Variants in SEMA3D observed in about 807,000 individuals in gnomAD.
SEMA3D encodes semaphorin-3D.
A neutral mutation model predicts 100.1 loss-of-function variants in SEMA3D; 84 were observed. The observed-to-expected ratio is 0.84, with a 90% CI of 0.70 to 1.01. SEMA3D has a LOEUF of 1.01. Ranked by LOEUF, SEMA3D falls within the 50% of genes least tolerant of loss-of-function variation. SEMA3D has a pLI of 0.00. For missense variants in SEMA3D, 875 were observed against 934.1 expected, an observed-to-expected ratio of 0.94 and a Z score of 0.82; for synonymous variants, 312 against 320.7, an observed-to-expected ratio of 0.97 and a Z score of 0.29.
chr7:85,066,147 G>A (rs939903870), intron 7 of SEMA3D, among the ~76,000 whole-genome samples: 1 of 152,138 alleles, frequency 6.6e-6, no homozygotes, highest in African/African-American at 2.4e-5. Context: ...TGCCATTACT[G>A]CATACCAAAC....
At chr7:85,101,577 T>A (rs1267695156) in intron 3 of SEMA3D, among the ~76,000 whole-genome samples, 2 of 151,984 alleles carry the variant, frequency 1.3e-5, no homozygotes, top group Non-Finnish European at 2.9e-5. Flanking sequence ...CATGTTGGTG[T>A]GAGGAATAAA....
intron 3 of SEMA3D, among the ~76,000 whole-genome samples, chr7:85,102,400 G>T (rs555059586): frequency 6.6e-6 from 1 of 152,072 alleles, no homozygotes; most frequent in Non-Finnish European, 1.5e-5. Context: ...CCAGCACCTA[G>T]CTCAGAGTCT....
At chr7:85,084,728 C>G (rs959686471) in intron 4 of SEMA3D, among the ~76,000 whole-genome samples, 3 of 151,976 alleles carry the variant, frequency 2.0e-5, no homozygotes, top group African/African-American at 7.3e-5. Flanking sequence ...GCCTAGTACA[C>G]GTTAGTTATT....
chr7:85,085,563 G>T (rs572174280), intron 4 of SEMA3D, among the ~76,000 whole-genome samples: 3 of 152,064 alleles, frequency 2.0e-5, no homozygotes, highest in Non-Finnish European at 4.4e-5. Context: ...ATTATGAAAG[G>T]CCTTCTGTAT....
intron 9 of SEMA3D, among the ~76,000 whole-genome samples, chr7:85,047,897 A>G (rs1791053163): frequency 6.6e-6 from 1 of 151,896 alleles, no homozygotes; most frequent in South Asian, 2.1e-4. Flanking sequence ...AGAGAATGAA[A>G]TTCTCAGACA....
At chr7:85,131,670 G>A (rs929842120) in intron 2 of SEMA3D, among the ~76,000 whole-genome samples, 1 of 151,772 alleles carries the variant, frequency 6.6e-6, no homozygotes, top group Admixed American at 6.6e-5. Context: ...TGTGAAATAC[G>A]AAGATATAGT....
the SEMA3D span, among the ~76,000 whole-genome samples, chr7:85,242,628 G>C: frequency 6.6e-6 from 1 of 151,994 alleles, no homozygotes; most frequent in East Asian, 1.9e-4. Flanking sequence ...TCAGATACAG[G>C]GGTGTCATTG....
chr7:85,030,868 T>C (rs28756736), intron 12 of SEMA3D, among the ~76,000 whole-genome samples: 7,948 of 152,088 alleles, frequency 0.052, 702 homozygotes, highest in African/African-American at 0.18. Context: ...TATGATTGAT[T>C]CACTGTATTA....
chr7:85,140,035 G>A (rs188840119), intron 2 of SEMA3D: 95 of 504,878 alleles, frequency 1.9e-4, no homozygotes, highest in Non-Finnish European at 2.1e-4. Context: ...CTTGTTGCAT[G>A]CTGTCATTAA....
At chr7:85,036,796 G>A (rs1023744215) in intron 12 of SEMA3D, 93 bp downstream of exon 12, 30 of 961,922 alleles carry the variant, frequency 3.1e-5, no homozygotes, top group Non-Finnish European at 4.3e-5. Flanking sequence ...TACAGCACAT[G>A]TGGCTCTGGT....
intron 1 of SEMA3D, among the ~76,000 whole-genome samples, chr7:85,164,356 A>G (rs189844606): frequency 6.6e-6 from 1 of 152,258 alleles, no homozygotes; most frequent in East Asian, 1.9e-4. Context: ...ATCTATACAT[A>G]TACTTATTTA....
At chr7:85,199,184 T>G in the SEMA3D span, among the ~76,000 whole-genome samples, 1 of 152,232 alleles carries the variant, frequency 6.6e-6, no homozygotes, top group African/African-American at 2.4e-5. Context: ...ATGGTAATTT[T>G]GGGGATTTGA....
chr7:85,071,124 G>A (rs1405923249), intron 6 of SEMA3D, among the ~76,000 whole-genome samples: 8 of 152,170 alleles, frequency 5.3e-5, no homozygotes, highest in Non-Finnish European at 1.5e-5. Flanking sequence ...CAGGTTGCGA[G>A]TTTGGCCTTT....
the SEMA3D span, among the ~76,000 whole-genome samples, chr7:85,215,117 CTTTTT>C: frequency 7.8e-6 from 1 of 128,304 alleles, no homozygotes; most frequent in African/African-American, 2.9e-5. Flanking sequence ...TTCTTTCTTT[CTTTTT>C]TTTTTTTTTT....
the SEMA3D span, among the ~76,000 whole-genome samples, chr7:85,241,485 A>ATATATC: frequency 7.2e-6 from 1 of 139,048 alleles, no homozygotes; most frequent in South Asian, 2.3e-4. Flanking sequence ...ATATATATAT[A>ATATATC]TATATATGAA....
intron 6 of SEMA3D, 94 bp downstream of exon 6, chr7:85,072,868 T>A: frequency 9.9e-7 from 1 of 1,012,344 alleles, no homozygotes; most frequent in Non-Finnish European, 1.4e-6. Flanking sequence ...TATGTTTCAG[T>A]CCTTATATTC....
the SEMA3D span, among the ~76,000 whole-genome samples, chr7:85,200,678 A>G: frequency 1.3e-5 from 2 of 152,250 alleles, no homozygotes; most frequent in Non-Finnish European, 1.5e-5. Flanking sequence ...ATAAATTTGC[A>G]TAAGTAACAA....
intron 2 of SEMA3D, among the ~76,000 whole-genome samples, chr7:85,132,293 A>C (rs540906497): frequency 1.3e-5 from 2 of 152,066 alleles, no homozygotes; most frequent in South Asian, 4.1e-4. Context: ...CTCGTAAAAC[A>C]GTGAAGCAAT....
the SEMA3D span, among the ~76,000 whole-genome samples, chr7:85,228,127 C>T: frequency 6.6e-6 from 1 of 152,126 alleles, no homozygotes; most frequent in African/African-American, 2.4e-5. Flanking sequence ...ACACATCTCT[C>T]TTAAAACTGT....
Sources: allele counts gnomAD v4.1 joint callset (sites outside exome capture counted in the v4.1 genomes callset), GRCh38; gene constraint gnomAD v4.1.1; transcripts MANE v1.5; gene names NCBI Gene and HGNC (gene_info 2026-07-23, HGNC 2026-07-21).